TF: variants seen among roughly 807,000 people sequenced by gnomAD.
The protein encoded by TF is transferrin, also known as serotransferrin.
In TF, 55 loss-of-function variants were observed where a neutral mutation model predicts 82.4. The observed-to-expected ratio is 0.67, with a 90% CI of 0.54 to 0.84. The LOEUF (loss-of-function observed/expected upper bound fraction) is 0.84, where lower values mean the gene tolerates loss of function less well. Among genes scored for constraint, TF ranks in the 40% least tolerant of loss-of-function variants. The pLI, the probability that TF is intolerant of heterozygous loss-of-function variation, is 0.00. For missense variants in TF, 737 were observed against 868.4 expected, an observed-to-expected ratio of 0.85 and a Z score of 1.90; for synonymous variants, 332 against 332.6, an observed-to-expected ratio of 1.00 and a Z score of 0.02.
At chr3:133,697,947 G>C in the TF span, among the ~76,000 whole-genome samples, 1 of 152,170 alleles carries the variant, frequency 6.6e-6, no homozygotes, top group African/African-American at 2.4e-5. Context: ...AGGGCAGCAG[G>C]TGTAGTCAGT....
Position 133,756,887 on chromosome 3 carries a change from A to G in TF, c.748A>G (p.Thr250Ala), listed in dbSNP as rs767402976. Residue 250 changes from threonine (T) to alanine (A), a missense_variant, in exon 7 of 17, where the codon ACC becomes GCC. Coordinates refer to ENST00000402696, the MANE Select transcript of TF (RefSeq NM_001063.4). The part of the protein sequence containing the change: ...DQYELLCLDN[T>A]RKPVDEYKDC... Reference sequence around the variant, plus strand: ...GTATGAGCTGCTTTGCCTGGACAACACCCGGAAGCCGGTAGATGAATACAA... The same window carrying G: ...GTATGAGCTGCTTTGCCTGGACAACGCCCGGAAGCCGGTAGATGAATACAA... 2 of 1,613,990 alleles carry G rather than the reference A, an allele frequency of 1.2e-6. No individual in the cohort carries two copies. The highest frequency in any genetic ancestry group is 1.7e-6 in the Non-Finnish European group (2 of 1,180,022).
At chr3:133,704,129 A>G in the TF span, 1 of 165,420 alleles carries the variant, frequency 6.0e-6, no homozygotes, top group Non-Finnish European at 1.4e-5. Context: ...GGTTAATCAC[A>G]AGGATGTTTA....
At chr3:133,696,257 C>A in the TF span, among the ~76,000 whole-genome samples, 2 of 152,078 alleles carry the variant, frequency 1.3e-5, no homozygotes, top group Admixed American at 6.5e-5. Context: ...GATCACGCCA[C>A]TGCCCTCCAG....
chr3:133,730,444 C>T, the TF span, among the ~76,000 whole-genome samples: 1 of 152,354 alleles, frequency 6.6e-6, no homozygotes, highest in East Asian at 1.9e-4. Context: ...CCAGAGACTG[C>T]TGGCTATGGT....
At position 133,756,262 on chromosome 3, in the gene TF, G is replaced by C. The variant is rs375687633; in HGVS notation, c.636-20G>C. 159 of 1,613,770 alleles carry C rather than the reference G, an allele frequency of 9.9e-5. 1 individual carries two copies. Among genetic ancestry groups the C allele is most frequent in the South Asian group, 2.1e-4 (19 of 90,914 alleles). ...GGGCCTGCCCTGCAGGAGCCCTGCTGATGTGTTTCTTTGACCCAGGTGTCT... is the reference window on the plus strand; with the variant it reads ...GGGCCTGCCCTGCAGGAGCCCTGCTCATGTGTTTCTTTGACCCAGGTGTCT... On this transcript the variant is annotated intron_variant, in intron 5 of 16. Coordinates refer to ENST00000402696, the MANE Select transcript of TF (RefSeq NM_001063.4).
chr3:133,693,422 A>G, the TF span, among the ~76,000 whole-genome samples: 3 of 152,232 alleles, frequency 2.0e-5, no homozygotes, highest in Non-Finnish European at 2.9e-5. Flanking sequence ...TCAGCCCTTG[A>G]ATAATGATGG....
the TF span, among the ~76,000 whole-genome samples, chr3:133,713,031 G>A: frequency 1.2e-4 from 18 of 152,192 alleles, no homozygotes; most frequent in African/African-American, 3.6e-4. Flanking sequence ...GGCACCTAGG[G>A]AGAAGCAAGA....
At chr3:133,725,590 T>C in the TF span, among the ~76,000 whole-genome samples, 1 of 152,052 alleles carries the variant, frequency 6.6e-6, no homozygotes, top group East Asian at 1.9e-4. Flanking sequence ...TATACAATCA[T>C]GTCATCTGCA....
chr3:133,721,258 G>T, the TF span, among the ~76,000 whole-genome samples: 2 of 152,134 alleles, frequency 1.3e-5, no homozygotes, highest in South Asian at 2.1e-4. Flanking sequence ...AACTGCTTTT[G>T]CTGTGTCTCA....
At chr3:133,760,721 G>C (rs1450336942) in intron 9 of TF, 1 of 157,406 alleles carries the variant, frequency 6.4e-6, no homozygotes, top group Non-Finnish European at 1.4e-5. Flanking sequence ...GTCATCGTTT[G>C]AGCCTTTAAT....
At chr3:133,676,816 C>A in the TF span, among the ~76,000 whole-genome samples, 2 of 152,240 alleles carry the variant, frequency 1.3e-5, no homozygotes, top group Non-Finnish European at 2.9e-5. Flanking sequence ...CTCGTCCTGG[C>A]AATGTCAGGC....
chr3:133,762,685 G>A (rs747978703), intron 9 of TF, among the ~76,000 whole-genome samples: 16 of 152,172 alleles, frequency 1.1e-4, no homozygotes, highest in Non-Finnish European at 1.3e-4. Flanking sequence ...CTATTTGGGC[G>A]TGTCTGAAAA....
chr3:133,781,880 G>A lies in TF; in HGVS notation c.*3260G>A, dbSNP rs940399566. ...CAACAAAATGAAATGGCAACCTATGGATTGGAAAAAATATTTGCAAACTAT... is the reference window on the plus strand; with the variant it reads ...CAACAAAATGAAATGGCAACCTATGAATTGGAAAAAATATTTGCAAACTAT... On this transcript the variant is annotated 3_prime_UTR_variant, in exon 17 of 17. Transcript: ENST00000402696. 2 of 152,140 alleles carry A rather than the reference G, an allele frequency of 1.3e-5. No individual in the cohort carries two copies. The highest frequency in any genetic ancestry group is 1.3e-4 in the Admixed American group (2 of 15,272). 9.4% of individuals were successfully genotyped at this position (152,140 alleles called of 1,614,324 possible).
chr3:133,732,621 C>T, the TF span, among the ~76,000 whole-genome samples: 3 of 152,208 alleles, frequency 2.0e-5, no homozygotes, highest in African/African-American at 4.8e-5. Flanking sequence ...TGAGCTGTAA[C>T]AGTCATCATG....
At chr3:133,736,631 CAAAAAAAAAAAAA>C in the TF span, among the ~76,000 whole-genome samples, 1 of 32,552 alleles carries the variant, frequency 3.1e-5, no homozygotes, top group African/African-American at 1.3e-4. Flanking sequence ...AATGGAAAGC[CAAAAAAAAAAAAA>C]AAAAAAAGCA....
the TF span, among the ~76,000 whole-genome samples, chr3:133,718,194 A>G: frequency 6.6e-6 from 1 of 152,110 alleles, no homozygotes; most frequent in Non-Finnish European, 1.5e-5. Flanking sequence ...GGTGGGATAA[A>G]TGCAGGGTTT....
the TF span, among the ~76,000 whole-genome samples, chr3:133,728,165 G>T: frequency 6.6e-6 from 1 of 151,978 alleles, no homozygotes; most frequent in African/African-American, 2.4e-5. Flanking sequence ...TATCTTTGTG[G>T]CGTTCTCTGT....
At position 133,782,471 on chromosome 3, in the gene TF, A is replaced by G. The variant is rs542034819; in HGVS notation, c.*3851A>G. On this transcript the variant is annotated 3_prime_UTR_variant, in exon 17 of 17. Transcript: ENST00000402696. ...AATATTATTCAGCCCTAAAAAGAAT[A>G]TCTTGCCATTTGCCACAACATGGAT... 3 of 152,324 alleles carry G rather than the reference A, an allele frequency of 2.0e-5. No individual in the cohort carries two copies. The highest frequency in any genetic ancestry group is 2.0e-4 in the Admixed American group (3 of 15,300). 9.4% of individuals were successfully genotyped at this position (152,324 alleles called of 1,614,324 possible). A position where few individuals can be genotyped will look rare whatever the true frequency, so the allele number is the denominator to read the frequency against.
the TF span, among the ~76,000 whole-genome samples, chr3:133,677,529 CG>C: frequency 1.3e-5 from 2 of 151,968 alleles, no homozygotes; most frequent in East Asian, 3.9e-4. Context: ...CCCAGCTACT[CG>C]GGAGGCTGAG....
Sources: allele counts gnomAD v4.1 joint callset (sites outside exome capture counted in the v4.1 genomes callset), GRCh38; gene constraint gnomAD v4.1.1; transcripts MANE v1.5; gene names NCBI Gene and HGNC (gene_info 2026-07-23, HGNC 2026-07-21).